CAST: variants seen among roughly 807,000 people sequenced by gnomAD.
CAST encodes calpastatin.
CAST carries 76 observed loss-of-function variants against 119.6 expected under a neutral mutation model. The ratio of observed to expected loss-of-function variants is 0.64; its 90% CI spans 0.53 to 0.77. The LOEUF is 0.77. Among genes scored for constraint, CAST ranks in the 30% least tolerant of loss-of-function variants. The pLI, the probability that CAST is intolerant of heterozygous loss-of-function variation, is 0.00. For missense variants in CAST, 953 were observed against 946.5 expected (o/e 1.01, Z -0.09); for synonymous variants, 319 against 331.6 (o/e 0.96, Z 0.41).
chr5:96,248,749 T>C, the CAST span, among the ~76,000 whole-genome samples: 2 of 152,268 alleles, frequency 1.3e-5, no homozygotes, highest in South Asian at 4.1e-4. Context: ...AACTTTTACA[T>C]ATTCATAGTT....
At chr5:96,743,606 C>G in intron 16 of CAST, 1 of 1,608,856 alleles carries the variant, frequency 6.2e-7, no homozygotes, top group Non-Finnish European at 8.5e-7. Flanking sequence ...ATCCTTGAGT[C>G]TGGGACTGCC....
chr5:96,199,556 A>G, the CAST span, among the ~76,000 whole-genome samples: 2 of 152,128 alleles, frequency 1.3e-5, no homozygotes, highest in South Asian at 2.1e-4. Context: ...GTTTGCTTCT[A>G]TTTAAAATAC....
chr5:96,576,574 G>A (rs1483122204), intron 1 of CAST, among the ~76,000 whole-genome samples: 2 of 152,010 alleles, frequency 1.3e-5, no homozygotes, highest in African/African-American at 4.8e-5. Context: ...TGAACTTCTG[G>A]CCTCAAGTGA....
chr5:96,445,193 A>G, the CAST span, among the ~76,000 whole-genome samples: 1 of 152,148 alleles, frequency 6.6e-6, no homozygotes, highest in Non-Finnish European at 1.5e-5. Context: ...CTCTGGGGAA[A>G]ACACCTTCAG....
the CAST span, among the ~76,000 whole-genome samples, chr5:96,060,883 G>T: frequency 6.6e-6 from 1 of 152,104 alleles, no homozygotes; most frequent in Non-Finnish European, 1.5e-5. Flanking sequence ...CCAGGTCAAG[G>T]TCTAGCAGGG....
At chr5:96,240,891 T>C in the CAST span, among the ~76,000 whole-genome samples, 8 of 152,052 alleles carry the variant, frequency 5.3e-5, no homozygotes, top group Admixed American at 2.6e-4. Flanking sequence ...TAAATGTTTA[T>C]TAGGAAGGAA....
chr5:96,427,805 C>T, the CAST span, among the ~76,000 whole-genome samples: 1 of 152,188 alleles, frequency 6.6e-6, no homozygotes, highest in Non-Finnish European at 1.5e-5. Context: ...AAGGAAATCT[C>T]TCTTCTGCTT....
the CAST span, among the ~76,000 whole-genome samples, chr5:96,350,823 A>AT: frequency 3.9e-5 from 6 of 152,304 alleles, no homozygotes; most frequent in South Asian, 1.2e-3. Context: ...ACACTAGGGA[A>AT]GAGGAATAGA....
the CAST span, among the ~76,000 whole-genome samples, chr5:96,388,980 A>G: frequency 6.6e-6 from 1 of 152,136 alleles, no homozygotes; most frequent in Non-Finnish European, 1.5e-5. Flanking sequence ...TATTATGCTA[A>G]GAGAAATAAG....
chr5:96,531,082 T>C (rs1044317831), intron 1 of CAST, among the ~76,000 whole-genome samples: 1 of 152,148 alleles, frequency 6.6e-6, no homozygotes, highest in Non-Finnish European at 1.5e-5. Context: ...CATGAGTCAC[T>C]GCACCCCACT....
At chr5:96,025,143 A>G in the CAST span, among the ~76,000 whole-genome samples, 1 of 152,146 alleles carries the variant, frequency 6.6e-6, no homozygotes, top group East Asian at 1.9e-4. Flanking sequence ...TAGTCTGTTC[A>G]AGTTGCTGTA....
intron 3 of CAST, 71 bp downstream of exon 3, chr5:96,695,978 G>A (rs1753243210): frequency 2.0e-6 from 2 of 980,144 alleles, no homozygotes; most frequent in African/African-American, 3.2e-5. Context: ...GGTGGGGCCT[G>A]TAGGAATGGC....
chr5:96,051,449 G>C, the CAST span, among the ~76,000 whole-genome samples: 1 of 152,174 alleles, frequency 6.6e-6, no homozygotes. Context: ...CAGGAAGTAG[G>C]CAAGTTAAGC....
intron 1 of CAST, among the ~76,000 whole-genome samples, chr5:96,544,622 A>C (rs562667569): frequency 1.3e-5 from 2 of 152,260 alleles, no homozygotes; most frequent in East Asian, 3.9e-4. Flanking sequence ...ATAAAAAAGA[A>C]GTATAATTGA....
Position 96,538,359 on chromosome 5 carries a change from A to T in CAST, c.60+8479A>T, listed in dbSNP as rs116214516. Reference sequence around the variant, plus strand: ...TGGATATGATCCTTATATCATACCTATCTGAAAGTAAAAGAATTTTGCTTT... The same window carrying T: ...TGGATATGATCCTTATATCATACCTTTCTGAAAGTAAAAGAATTTTGCTTT... On this transcript the variant is annotated intron_variant, in intron 1 of 11. Coordinates refer to the CAST transcript ENST00000505143. Among the ~76,000 whole-genome samples, 1,013 of 152,320 alleles carry T rather than the reference A, an allele frequency of 6.7e-3. 21 individuals carry two copies. The highest frequency in any genetic ancestry group is 0.023 in the African/African-American group (948 of 41,568).
intron 3 of CAST, among the ~76,000 whole-genome samples, chr5:96,715,302 C>G (rs1313245505): frequency 6.6e-6 from 1 of 152,090 alleles, no homozygotes; most frequent in Non-Finnish European, 1.5e-5. Flanking sequence ...ACTTTCCTAC[C>G]CCTAAGTCTT....
chr5:96,489,441 A>T, the CAST span, among the ~76,000 whole-genome samples: 1 of 152,188 alleles, frequency 6.6e-6, no homozygotes, highest in African/African-American at 2.4e-5. Context: ...CTCCTGGTTG[A>T]TAATCGTGTA....
At chr5:96,017,767 T>G in the CAST span, among the ~76,000 whole-genome samples, 1 of 152,164 alleles carries the variant, frequency 6.6e-6, no homozygotes. Flanking sequence ...GAATTTAAAT[T>G]TTTGAATGTT....
chr5:96,750,381 G>T (rs1465134473), intron 19 of CAST, among the ~76,000 whole-genome samples: 1 of 152,040 alleles, frequency 6.6e-6, no homozygotes, highest in East Asian at 1.9e-4. Flanking sequence ...CCTGCCTAAG[G>T]TGAGAAGTAA....
Sources: gnomAD v4.1 joint callset for allele counts (sites outside exome capture counted in the v4.1 genomes callset) on GRCh38, gnomAD v4.1.1 for gene constraint, MANE v1.5 for transcripts, NCBI Gene and HGNC (gene_info 2026-07-23, HGNC 2026-07-21) for gene names.